RBPMS: variants seen among roughly 807,000 people sequenced by gnomAD.
The protein encoded by RBPMS is RNA binding protein, mRNA processing factor, also known as RNA-binding protein with multiple splicing.
Under a neutral mutation model 26.8 loss-of-function variants are expected in RBPMS, and 7 were observed. The observed-to-expected ratio is 0.26, with a 90% CI of 0.15 to 0.49. The LOEUF (loss-of-function observed/expected upper bound fraction) is 0.49, where lower values mean the gene tolerates loss of function less well. RBPMS is among the 20% of genes least tolerant of loss of function. The pLI, the probability that RBPMS is intolerant of heterozygous loss-of-function variation, is 0.98. For synonymous variants in RBPMS, 96 were observed against 93.3 expected (o/e 1.03, Z -0.17); for missense variants, 186 against 250.0 (o/e 0.74, Z 1.73).
chr8:30,570,230 T>C (rs1828177756), intron 8 of RBPMS, among the ~76,000 whole-genome samples: 1 of 152,228 alleles, frequency 6.6e-6, no homozygotes, highest in South Asian at 2.1e-4. Context: ...GTTTATGGCC[T>C]CTTTCGGCAC....
chr8:30,506,106 G>A (rs1183826306), intron 5 of RBPMS, among the ~76,000 whole-genome samples: 2 of 152,094 alleles, frequency 1.3e-5, no homozygotes, highest in Admixed American at 1.3e-4. Flanking sequence ...AGCCAGGAAG[G>A]TTGTAGCCAG....
chr8:30,570,695 C>CACATCT lies in RBPMS; in HGVS notation c.*171_*176dup, dbSNP rs1172638333. 6.6e-6 allele frequency: 1 copy of CACATCT among 152,638 alleles called. No individual in the cohort carries two copies. The highest frequency in any genetic ancestry group is 6.5e-5 in the Admixed American group (1 of 15,288). The allele number at this position is 152,638 out of a possible 1,614,324, so 9.5% of individuals were successfully genotyped here. On this transcript the variant is annotated 3_prime_UTR_variant, in exon 9 of 9. Coordinates refer to ENST00000397323, the MANE Select transcript of RBPMS (RefSeq NM_001008710.3). ...CAAGACTTTGTCACAGCCTCTATCA[C>CACATCT]ACATCTGTTTTTCTCGAAGAAAAAA... is the stretch of plus-strand genomic sequence containing the variant.
chr8:30,409,196 CTTT>C (rs571043064), intron 1 of RBPMS, among the ~76,000 whole-genome samples: 2 of 143,042 alleles, frequency 1.4e-5, no homozygotes, highest in Non-Finnish European at 1.5e-5. Flanking sequence ...AGCGTTTTCT[CTTT>C]TTTTTTTTTT....
At chr8:30,569,902 G>GTATT (rs1307712202) in intron 8 of RBPMS, among the ~76,000 whole-genome samples, 1 of 152,342 alleles carries the variant, frequency 6.6e-6, no homozygotes. Flanking sequence ...AGACAGGCAA[G>GTATT]TATTAGTCGC....
intron 1 of RBPMS, among the ~76,000 whole-genome samples, chr8:30,446,381 C>CT (rs1813772523): frequency 1.3e-5 from 2 of 152,290 alleles, no homozygotes; most frequent in Admixed American, 1.3e-4. Flanking sequence ...CACTCAAAAA[C>CT]TAACTTCTGT....
chr8:30,451,809 C>T (rs1018548670), intron 1 of RBPMS, among the ~76,000 whole-genome samples: 3 of 152,178 alleles, frequency 2.0e-5, no homozygotes, highest in Non-Finnish European at 4.4e-5. Flanking sequence ...TCTCCCAAAT[C>T]TCTCCTATCT....
At chr8:30,411,010 A>T (rs1394245396) in intron 1 of RBPMS, among the ~76,000 whole-genome samples, 1 of 152,098 alleles carries the variant, frequency 6.6e-6, no homozygotes, top group Non-Finnish European at 1.5e-5. Context: ...AGACGCTGGG[A>T]TTACAGGTGT....
intron 1 of RBPMS, among the ~76,000 whole-genome samples, chr8:30,410,271 A>T (rs939287473): frequency 4.0e-5 from 6 of 151,486 alleles, no homozygotes; most frequent in African/African-American, 1.5e-4. Context: ...CAGTGGTACA[A>T]TCTCCGCTCC....
intron 1 of RBPMS, among the ~76,000 whole-genome samples, chr8:30,452,431 T>C (rs1010054): frequency 0.25 from 37,566 of 152,056 alleles, 5,007 homozygotes; most frequent in East Asian, 0.42. Flanking sequence ...GGAGGTAGAA[T>C]ATCACCAGGT....
intron 5 of RBPMS, chr8:30,537,724 G>A (rs1439681120): frequency 2.2e-6 from 1 of 444,578 alleles, no homozygotes; most frequent in Non-Finnish European, 4.5e-6. Flanking sequence ...TTCTCATAAG[G>A]TAAAAGGGGC....
At chr8:30,447,312 A>C (rs1276371876) in intron 1 of RBPMS, among the ~76,000 whole-genome samples, 1 of 152,230 alleles carries the variant, frequency 6.6e-6, no homozygotes, top group Admixed American at 6.5e-5. Flanking sequence ...CTCAACCTGT[A>C]CAGTATTAAC....
chr8:30,503,804 A>G (rs1180057431), intron 4 of RBPMS, among the ~76,000 whole-genome samples: 1 of 152,316 alleles, frequency 6.6e-6, no homozygotes, highest in East Asian at 1.9e-4. Context: ...CGTAGGGTCC[A>G]GAATTCATGG....
At chr8:30,456,496 G>T (rs1246368883) in intron 1 of RBPMS, among the ~76,000 whole-genome samples, 3 of 82,872 alleles carry the variant, frequency 3.6e-5, no homozygotes, top group Non-Finnish European at 9.4e-5. Flanking sequence ...ACACTAAAAA[G>T]ATTTTTTTTT....
intron 1 of RBPMS, among the ~76,000 whole-genome samples, chr8:30,417,173 CT>C (rs1261863083): frequency 3.3e-5 from 5 of 152,106 alleles, no homozygotes; most frequent in African/African-American, 1.2e-4. Flanking sequence ...GTAAAATCTT[CT>C]GATTGTGTTT....
At chr8:30,408,682 G>A (rs961774602) in intron 1 of RBPMS, among the ~76,000 whole-genome samples, 1 of 152,204 alleles carries the variant, frequency 6.6e-6, no homozygotes, top group Admixed American at 6.5e-5. Flanking sequence ...TCTGGTGACA[G>A]TAACACCCAA....
At chr8:30,426,325 T>A (rs1687079358) in intron 1 of RBPMS, among the ~76,000 whole-genome samples, 1 of 152,240 alleles carries the variant, frequency 6.6e-6, no homozygotes, top group African/African-American at 2.4e-5. Flanking sequence ...GTGGTTGGAT[T>A]TTTAAAGTTT....
At chr8:30,486,501 C>G (rs1282493285) in intron 4 of RBPMS, among the ~76,000 whole-genome samples, 1 of 150,788 alleles carries the variant, frequency 6.6e-6, no homozygotes, top group South Asian at 2.1e-4. Flanking sequence ...GGCATGGTGG[C>G]GGCTGCCTGT....
chr8:30,550,828 G>C (rs769375510), intron 6 of RBPMS, among the ~76,000 whole-genome samples: 2 of 152,200 alleles, frequency 1.3e-5, no homozygotes, highest in Non-Finnish European at 2.9e-5. Context: ...GGGTGGAGGG[G>C]GCTGGGCAGC....
At chr8:30,509,706 T>C (rs921613183) in intron 5 of RBPMS, among the ~76,000 whole-genome samples, 2 of 152,212 alleles carry the variant, frequency 1.3e-5, no homozygotes, top group African/African-American at 2.4e-5. Flanking sequence ...TCCAGCGGCA[T>C]TGTTTATGAA....
Sources: gnomAD v4.1 joint callset for allele counts (sites outside exome capture counted in the v4.1 genomes callset) on GRCh38, gnomAD v4.1.1 for gene constraint, MANE v1.5 for transcripts, NCBI Gene and HGNC (gene_info 2026-07-23, HGNC 2026-07-21) for gene names.